The following PITPNM3 variants were observed in gnomAD, a reference collection of about 807,000 sequenced individuals.
PITPNM3 encodes membrane-associated phosphatidylinositol transfer protein 3.
A neutral mutation model predicts 102.0 loss-of-function variants in PITPNM3; 26 were observed. The observed-to-expected ratio is 0.25, with a 90% CI of 0.19 to 0.35. The LOEUF is 0.35. PITPNM3 is among the 10% of genes least tolerant of loss of function. The pLI is 1.00. For missense variants in PITPNM3, 1,083 were observed against 1,346.1 expected, an observed-to-expected ratio of 0.80 and a Z score of 3.06; for synonymous variants, 578 against 558.6, an observed-to-expected ratio of 1.03 and a Z score of -0.49.
In PITPNM3 at chr17:6,468,308, T is replaced by C. The variant is rs2150721991; in HGVS notation, c.1807A>G (p.Ser603Gly). The change falls in exon 14 of 20, where the codon AGC becomes GGC. Residue 603 changes from serine to glycine, a missense_variant. Around this residue, in one of 5 missense-constraint regions of PITPNM3, gnomAD observed 410 missense variants for 638.4 expected, o/e 0.64. Transcript: ENST00000262483. The surrounding 1 kb of genome is among the most constrained non-coding windows in gnomAD (Gnocchi z 5.2). Reference sequence around the variant, plus strand: ...AGTGCTGCAGGGTCCAGGCGGGCGCTTTCCTTGATGTTCACGCTCTCATAG... The same window carrying C: ...AGTGCTGCAGGGTCCAGGCGGGCGCCTTCCTTGATGTTCACGCTCTCATAG... The part of the protein sequence containing the change: ...MRYESVNIKE[S>G]ARLDPAALSP... The C allele has an allele frequency of 6.2e-7, 1 of 1,614,036 alleles. No homozygotes were observed. Among genetic ancestry groups the C allele is most frequent in the Non-Finnish European group, 8.5e-7 (1 of 1,180,004 alleles).
chr17:6,505,736 C>T (rs905867505), intron 3 of PITPNM3, among the ~76,000 whole-genome samples: 6 of 152,214 alleles, frequency 3.9e-5, no homozygotes, highest in Admixed American at 2.6e-4. Context: ...ATTCAAAAAA[C>T]GCCTTCTATG....
intron 10 of PITPNM3, among the ~76,000 whole-genome samples, chr17:6,473,976 C>CAAAA (rs56728914): frequency 1.0e-5 from 1 of 96,072 alleles, no homozygotes; most frequent in Non-Finnish European, 2.0e-5. Context: ...GACTCCATCT[C>CAAAA]AAAAAAAAAA....
At chr17:6,543,079 CTCT>C (rs1444670952) in intron 1 of PITPNM3, among the ~76,000 whole-genome samples, 1 of 152,204 alleles carries the variant, frequency 6.6e-6, no homozygotes, top group African/African-American at 2.4e-5. Flanking sequence ...AATATCCCAA[CTCT>C]TCTTCTAGCA....
Position 6,468,445 on chromosome 17 carries a change from T to G in PITPNM3, c.1774-104A>C. ...CTTGTGGCCAGCTGGGCCCTGCCCCTGCAACCCCCCAACCTCACAGCCTGG... is the reference window on the plus strand; with the variant it reads ...CTTGTGGCCAGCTGGGCCCTGCCCCGGCAACCCCCCAACCTCACAGCCTGG... On this transcript the variant is annotated intron_variant, in intron 13 of 19. Transcript: ENST00000262483. This position sits in a 1 kb window ranked among gnomAD's most constrained non-coding sequence, Gnocchi z 5.2. 1 of 1,147,428 alleles carries G rather than the reference T, an allele frequency of 8.7e-7. No homozygotes were observed. The highest frequency in any genetic ancestry group is 2.3e-5 in the East Asian group (1 of 42,634). 71.1% of individuals were successfully genotyped at this position (1,147,428 alleles called of 1,614,324 possible).
intron 18 of PITPNM3, among the ~76,000 whole-genome samples, chr17:6,460,179 G>T (rs1398896224): frequency 6.6e-6 from 1 of 152,106 alleles, no homozygotes; most frequent in African/African-American, 2.4e-5. Context: ...ACTTGTCCTG[G>T]GTTTAACCCT....
In PITPNM3 at chr17:6,478,138, T is replaced by C. The variant is rs1473239513; in HGVS notation, c.778-41A>G. 3 of 1,610,504 alleles carry C rather than the reference T, an allele frequency of 1.9e-6. No homozygotes were observed. Among genetic ancestry groups the C allele is most frequent in the Non-Finnish European group, 2.5e-6 (3 of 1,179,926 alleles). On this transcript the variant is annotated intron_variant, in intron 7 of 19. Transcript: ENST00000262483. This position sits in a 1 kb window ranked among gnomAD's most constrained non-coding sequence, Gnocchi z 4.4. ...CTGGGACTGCAGGCCTGCCCACTGC[T>C]GACCCCTCACCCCCACACCCGGCCA... is the stretch of plus-strand genomic sequence containing the variant.
At chr17:6,466,103 T>C (rs1904752821) in intron 14 of PITPNM3, among the ~76,000 whole-genome samples, 1 of 152,204 alleles carries the variant, frequency 6.6e-6, no homozygotes, top group Non-Finnish European at 1.5e-5. Flanking sequence ...CCACACCTTC[T>C]GGTCCTTTCT....
At chr17:6,474,772 G>T (rs987754495) in intron 9 of PITPNM3, among the ~76,000 whole-genome samples, 168 bp from the exon 10 acceptor site, 7 of 152,318 alleles carry the variant, frequency 4.6e-5, no homozygotes, top group East Asian at 1.9e-4. Flanking sequence ...GTCAGCACTG[G>T]CCACCAAGGC....
intron 3 of PITPNM3, among the ~76,000 whole-genome samples, chr17:6,507,084 C>A (rs1907567555): frequency 6.6e-6 from 1 of 151,970 alleles, no homozygotes; most frequent in South Asian, 2.1e-4. Context: ...TGCTCCCAGG[C>A]TCTGGCTTGG....
rs2150726629 is a variant in PITPNM3, at chr17:6,472,617, C to T, written c.1429+40G>A. ...GGGGTTGAATGGGCTGGGGCCCCAC[C>T]TCCAGCTCAGCACACTCTCTCCCAC... is the stretch of plus-strand genomic sequence containing the variant. On this transcript the variant is annotated intron_variant, in intron 11 of 19. Transcript: ENST00000262483. The surrounding 1 kb of genome is among the most constrained non-coding windows in gnomAD (Gnocchi z 4.1). The T allele has an allele frequency of 6.3e-7, 1 of 1,595,048 alleles. No individual in the cohort carries two copies. Among genetic ancestry groups the T allele is most frequent in the Non-Finnish European group, 8.5e-7 (1 of 1,171,752 alleles).
intron 9 of PITPNM3, 94 bp downstream of exon 9, chr17:6,476,935 C>T: frequency 2.8e-6 from 4 of 1,438,488 alleles, no homozygotes; most frequent in Non-Finnish European, 3.8e-6. Context: ...TATCTATGGG[C>T]CCCCATGGAA....
At chr17:6,548,880 T>A (rs1424686065) in intron 1 of PITPNM3, among the ~76,000 whole-genome samples, 1 of 152,116 alleles carries the variant, frequency 6.6e-6, no homozygotes, top group Non-Finnish European at 1.5e-5. Flanking sequence ...CGCGTTTCTA[T>A]TTTTGCTTTC....
intron 2 of PITPNM3, among the ~76,000 whole-genome samples, chr17:6,531,082 CCT>C (rs1309975797): frequency 1.2e-4 from 19 of 152,206 alleles, no homozygotes; most frequent in African/African-American, 4.1e-4. Flanking sequence ...CATGAAACCA[CCT>C]CTGTTTGTAC....
intron 1 of PITPNM3, among the ~76,000 whole-genome samples, chr17:6,538,456 C>T (rs1189393181): frequency 6.6e-6 from 1 of 152,188 alleles, no homozygotes; most frequent in Non-Finnish European, 1.5e-5. Flanking sequence ...TTCTCACTCA[C>T]ATACAGGTTG....
chr17:6,503,458 A>T (rs1462761096), intron 4 of PITPNM3, 69 bp downstream of exon 4: 9 of 1,526,338 alleles, frequency 5.9e-6, no homozygotes, highest in Non-Finnish European at 7.2e-6. Context: ...ATGAGAGGGG[A>T]CCCAGGCTCA....
Position 6,478,658 on chromosome 17 carries a change from C to T in PITPNM3, c.666G>A (p.Leu222=). ...DHVPLAALPL[L]AISSPQYQDA... is the part of the protein sequence containing the mutation. ...CCTGGTACTGCGGGGAGGAGATGGC[C>T]AACAGGGGAAGGGCGGCCAGAGGGA... is the stretch of plus-strand genomic sequence containing the variant. Residue 222 remains leucine (L), a synonymous_variant, in exon 7 of 20, where the codon TTG becomes TTA. Transcript: ENST00000262483. The surrounding 1 kb of genome is among the most constrained non-coding windows in gnomAD (Gnocchi z 4.4). 6.2e-7 allele frequency: 1 copy of T among 1,613,534 alleles called. No individual in the cohort carries two copies. The highest frequency in any genetic ancestry group is 8.5e-7 in the Non-Finnish European group (1 of 1,179,824).
chr17:6,460,957 T>C (rs570968120), intron 18 of PITPNM3: 2 of 298,624 alleles, frequency 6.7e-6, no homozygotes, highest in Admixed American at 4.7e-5. Context: ...GCTTCGGTCA[T>C]GGAAAGCACA....
At chr17:6,477,324 G>A in intron 8 of PITPNM3, 111 bp from the exon 9 acceptor site, 1 of 1,136,502 alleles carries the variant, frequency 8.8e-7, no homozygotes, top group South Asian at 1.3e-5. Flanking sequence ...TAAGATGTGA[G>A]GGGCTACCCT....
chr17:6,554,075 T>C (rs144267540), intron 1 of PITPNM3, among the ~76,000 whole-genome samples: 1 of 151,876 alleles, frequency 6.6e-6, no homozygotes, highest in Non-Finnish European at 1.5e-5. Flanking sequence ...TCCCATCACT[T>C]TGGGAGGCTG....
Sources: gnomAD v4.1 joint callset for allele counts (sites outside exome capture counted in the v4.1 genomes callset) on GRCh38, gnomAD v4.1.1 for gene constraint, gnomAD v4.1.1 regional missense constraint, Gnocchi (gnomAD v3.1) non-coding constraint, MANE v1.5 for transcripts, NCBI Gene and HGNC (gene_info 2026-07-23, HGNC 2026-07-21) for gene names.